RIMS3: variants seen among roughly 807,000 people sequenced by gnomAD.
RIMS3 encodes the protein regulating synaptic membrane exocytosis 3, also known as regulating synaptic membrane exocytosis protein 3.
In RIMS3, 15 loss-of-function variants were observed where a neutral mutation model predicts 29.2. That is an observed-to-expected ratio of 0.51 (90% CI 0.34 to 0.79). RIMS3 has a LOEUF of 0.79. RIMS3 is among the 30% of genes least tolerant of loss of function. The probability of loss-of-function intolerance (pLI) is 0.01; values close to 1 mark genes in which losing one functional copy is unlikely to be tolerated. For missense variants in RIMS3, 342 were observed against 421.4 expected (o/e 0.81, Z 1.65); for synonymous variants, 161 against 170.1 (o/e 0.95, Z 0.41).
At chr1:40,681,573 T>C in the RIMS3 span, 8 of 152,216 alleles carry the variant, frequency 5.3e-5, no homozygotes, top group Non-Finnish European at 7.3e-5. Context: ...TTATCACCTG[T>C]AAAATTAATC....
At chr1:40,659,846 GA>G (rs2148361185) in intron 1 of RIMS3, among the ~76,000 whole-genome samples, 1 of 152,304 alleles carries the variant, frequency 6.6e-6, no homozygotes, top group Admixed American at 6.5e-5. Context: ...AGTGGCAGAA[GA>G]AGACACAAAA....
chr1:40,683,311 A>AG, the RIMS3 span, among the ~76,000 whole-genome samples: 1 of 152,232 alleles, frequency 6.6e-6, no homozygotes, highest in African/African-American at 2.4e-5. Flanking sequence ...CAACGTTGAG[A>AG]AGTGGAACAC....
At chr1:40,667,848 G>A (rs1301311262), upstream of RIMS3, among the ~76,000 whole-genome samples, 1 of 152,204 alleles carries the variant, frequency 6.6e-6, no homozygotes, top group Admixed American at 6.5e-5. Flanking sequence ...AGCACTTCAG[G>A]CCCGGCACAG....
the RIMS3 span, among the ~76,000 whole-genome samples, chr1:40,679,321 C>T: frequency 6.6e-6 from 1 of 152,234 alleles, no homozygotes; most frequent in East Asian, 1.9e-4. Context: ...CAATTTCCCA[C>T]CTGTACTTCC....
intron 2 of RIMS3, among the ~76,000 whole-genome samples, chr1:40,642,978 T>C (rs977268216): frequency 6.6e-6 from 1 of 151,772 alleles, no homozygotes; most frequent in Admixed American, 6.6e-5. Context: ...AAATATTATA[T>C]CATAAGCATT....
At chr1:40,682,546 G>A in the RIMS3 span, among the ~76,000 whole-genome samples, 2 of 151,860 alleles carry the variant, frequency 1.3e-5, no homozygotes, top group Admixed American at 6.6e-5. Flanking sequence ...ATTAAGAGAC[G>A]AGGTAACTTT....
intron 1 of RIMS3, among the ~76,000 whole-genome samples, chr1:40,660,457 A>T (rs535074893): frequency 1.3e-5 from 2 of 150,144 alleles, no homozygotes; most frequent in South Asian, 4.2e-4. Flanking sequence ...GGCTCACTAT[A>T]GCTTCAACTT....
At chr1:40,626,804 C>T (rs527919917) in intron 7 of RIMS3, 75 bp from the exon 8 acceptor site, 235 of 1,364,932 alleles carry the variant, frequency 1.7e-4, no homozygotes, top group Non-Finnish European at 2.3e-4. Context: ...TAGGAACCTA[C>T]ACGTTTCAGC....
chr1:40,672,141 A>C, the RIMS3 span, among the ~76,000 whole-genome samples: 10 of 151,434 alleles, frequency 6.6e-5, no homozygotes, highest in East Asian at 1.9e-3. Flanking sequence ...CAAATAAGTG[A>C]TCACCTCAAT....
At chr1:40,665,322 C>G (rs996755375) in intron 1 of RIMS3, 72 bp downstream of exon 1, 3 of 152,424 alleles carry the variant, frequency 2.0e-5, no homozygotes, top group Non-Finnish European at 1.5e-5. Context: ...CCCCCCTCCC[C>G]CCGTGGTCCT....
chr1:40,665,829 G>C (rs1331672561), upstream of RIMS3, among the ~76,000 whole-genome samples: 1 of 152,176 alleles, frequency 6.6e-6, no homozygotes, highest in Non-Finnish European at 1.5e-5. Flanking sequence ...TTGTGGTTGG[G>C]GGACCTACAT....
chr1:40,637,065 T>G (rs1014435075), intron 3 of RIMS3, among the ~76,000 whole-genome samples: 1 of 152,086 alleles, frequency 6.6e-6, no homozygotes, highest in Non-Finnish European at 1.5e-5. Flanking sequence ...AAAGGAACCA[T>G]TTGCTGTCAC....
rs1476803734 is a variant in RIMS3 at position 40,654,397 on chromosome 1, C to T, written c.-206-6555G>A. On this transcript the variant is annotated intron_variant, in intron 1 of 7. Transcript: ENST00000372684. The surrounding 1 kb of genome is among the most constrained non-coding windows in gnomAD (Gnocchi z 5.3). ...TCCACCCCCGGACCCTTTCAGGGCA[C>T]AAAGACCCGCACGCAAGCCATACAC... 6.6e-6 allele frequency among the ~76,000 whole-genome samples: 1 copy of T among 152,160 alleles called. No homozygotes were observed. Among genetic ancestry groups the T allele is most frequent in the Admixed American group, 6.5e-5 (1 of 15,278 alleles).
the RIMS3 span, chr1:40,691,390 A>G: frequency 4.9e-6 from 1 of 205,440 alleles, no homozygotes; most frequent in East Asian, 1.8e-4. Flanking sequence ...TTAGTTCCTA[A>G]AACTCAAGGG....
At chr1:40,675,831 G>A in the RIMS3 span, among the ~76,000 whole-genome samples, 33 of 152,104 alleles carry the variant, frequency 2.2e-4, 1 homozygote, top group African/African-American at 7.7e-4. Flanking sequence ...GGGAGGCTGA[G>A]GCAGGAAGAT....
intron 1 of RIMS3, among the ~76,000 whole-genome samples, chr1:40,662,524 G>T (rs934648410): frequency 6.6e-6 from 1 of 152,190 alleles, no homozygotes. Flanking sequence ...GGCTCATAGA[G>T]TCTGATACAT....
At chr1:40,665,343 G>A in intron 1 of RIMS3, 51 bp downstream of exon 1, 1 of 150,208 alleles carries the variant, frequency 6.7e-6, no homozygotes, top group Non-Finnish European at 1.5e-5. Context: ...CCAGACCTCT[G>A]CAGCCCCCTC....
chr1:40,622,949 T>C lies in RIMS3; in HGVS notation c.*3568A>G, dbSNP rs1646431840. 1 of 154,126 alleles carries C rather than the reference T, an allele frequency of 6.5e-6. No individual in the cohort carries two copies. The highest frequency in any genetic ancestry group is 1.9e-4 in the East Asian group (1 of 5,282). The allele number at this position is 154,126 out of a possible 1,614,324, so 9.5% of individuals were successfully genotyped here. A position where few individuals can be genotyped will look rare whatever the true frequency, so the allele number is the denominator to read the frequency against. ...ACATTTCATTTCCAAAGAAGTACCC[T>C]TGGAGGTCTTTATTGTCTTTAAAAA... On this transcript the variant is annotated 3_prime_UTR_variant, in exon 8 of 8. Transcript: ENST00000372684.
chr1:40,659,828 T>A (rs751875992), intron 1 of RIMS3, among the ~76,000 whole-genome samples: 3 of 152,040 alleles, frequency 2.0e-5, no homozygotes, highest in African/African-American at 4.8e-5. Flanking sequence ...GTCCTGCAGC[T>A]GAGGGAGAGT....
Sources: gnomAD v4.1 joint callset for allele counts (sites outside exome capture counted in the v4.1 genomes callset) on GRCh38, gnomAD v4.1.1 for gene constraint, Gnocchi (gnomAD v3.1) non-coding constraint, MANE v1.5 for transcripts, NCBI Gene and HGNC (gene_info 2026-07-23, HGNC 2026-07-21) for gene names.